PRIM2: variants seen among roughly 807,000 people sequenced by gnomAD.
The protein encoded by PRIM2 is DNA primase subunit 2.
A neutral mutation model predicts 67.3 loss-of-function variants in PRIM2; 39 were observed. The observed-to-expected ratio is 0.58, with a 90% CI of 0.45 to 0.76. The LOEUF is 0.76. PRIM2 is among the 30% of genes least tolerant of loss of function. The pLI, the probability that PRIM2 is intolerant of heterozygous loss-of-function variation, is 0.00. For missense variants in PRIM2, 398 were observed against 598.7 expected (o/e 0.66, Z 3.50); for synonymous variants, 143 against 198.7 (o/e 0.72, Z 2.36).
chr6:57,255,062 T>C, the PRIM2 span, among the ~76,000 whole-genome samples: 1 of 152,196 alleles, frequency 6.6e-6, no homozygotes, highest in Non-Finnish European at 1.5e-5. Context: ...ATTATTGGGC[T>C]GCGAGAATAG....
At chr6:57,574,977 A>T (rs1489668742) in intron 10 of PRIM2, among the ~76,000 whole-genome samples, 29 of 152,284 alleles carry the variant, frequency 1.9e-4, no homozygotes, top group African/African-American at 7.0e-4. Context: ...ACTTAACAAA[A>T]TAGACAAAAT....
chr6:57,642,687 C>A (rs1360912923), intron 13 of PRIM2, among the ~76,000 whole-genome samples: 2 of 151,942 alleles, frequency 1.3e-5, no homozygotes, highest in African/African-American at 4.8e-5. Context: ...GTGATCCGCC[C>A]GTCTCGGCCT....
chr6:57,356,795 T>C (rs1475236015), intron 5 of PRIM2, among the ~76,000 whole-genome samples: 1 of 152,184 alleles, frequency 6.6e-6, no homozygotes, highest in Non-Finnish European at 1.5e-5. Flanking sequence ...TAGAGTGCTG[T>C]TGATTTTATC....
chr6:57,375,054 T>C (rs1443901554), intron 5 of PRIM2, among the ~76,000 whole-genome samples: 2 of 151,696 alleles, frequency 1.3e-5, no homozygotes, highest in Non-Finnish European at 2.9e-5. Flanking sequence ...TGAATACTCT[T>C]TATTTTTTTC....
intron 7 of PRIM2, among the ~76,000 whole-genome samples, chr6:57,442,109 A>G (rs1772219565): frequency 6.6e-6 from 1 of 152,184 alleles, no homozygotes; most frequent in Non-Finnish European, 1.5e-5. Context: ...GTTTCATGTA[A>G]AAAACTAAAT....
At chr6:57,377,052 T>G (rs1249578130) in intron 5 of PRIM2, among the ~76,000 whole-genome samples, 2 of 151,408 alleles carry the variant, frequency 1.3e-5, no homozygotes, top group Non-Finnish European at 3.0e-5. Flanking sequence ...AATTTTTTTT[T>G]TTTTTTTTGG....
At chr6:57,476,033 T>A (rs1488639985) in intron 7 of PRIM2, among the ~76,000 whole-genome samples, 1 of 152,126 alleles carries the variant, frequency 6.6e-6, no homozygotes, top group Admixed American at 6.5e-5. Context: ...TGGTTTTGTT[T>A]GTGTTTTTTT....
In PRIM2 at chr6:57,502,442, G is replaced by A. The variant is rs1554346952; in HGVS notation, c.694-4945G>A. ...GAGGATGCGCAGTGAGGGTTTTCAT[G>A]TTCTCTGCTTCACTATCCGATGCCG... is the stretch of plus-strand genomic sequence containing the variant. On this transcript the variant is annotated intron_variant, in intron 7 of 13. Transcript: ENST00000615550. Among the ~76,000 whole-genome samples, 196 of 150,370 alleles carry A rather than the reference G, an allele frequency of 1.3e-3. 5 individuals carry two copies. The East Asian group carries it at 0.016, about 13-fold the overall frequency.
chr6:57,627,670 A>G (rs1179437532), intron 12 of PRIM2, among the ~76,000 whole-genome samples: 1 of 152,126 alleles, frequency 6.6e-6, no homozygotes, highest in Non-Finnish European at 1.5e-5. Context: ...TACAGGTGTG[A>G]GCCACCGTGC....
At chr6:57,411,143 C>G (rs1401764746) in intron 7 of PRIM2, among the ~76,000 whole-genome samples, 1 of 151,962 alleles carries the variant, frequency 6.6e-6, no homozygotes, top group Non-Finnish European at 1.5e-5. Flanking sequence ...AACTCTCTCT[C>G]TCTTGCTCCT....
the PRIM2 span, among the ~76,000 whole-genome samples, chr6:57,266,113 C>T: frequency 6.6e-6 from 1 of 152,134 alleles, no homozygotes; most frequent in African/African-American, 2.4e-5. Flanking sequence ...CTGCAATTTG[C>T]TTGGCTTTGT....
chr6:57,584,501 A>G (rs1343111713), intron 10 of PRIM2, among the ~76,000 whole-genome samples: 1 of 152,178 alleles, frequency 6.6e-6, no homozygotes, highest in Non-Finnish European at 1.5e-5. Flanking sequence ...GTCAATGAAA[A>G]TTTTAAAACT....
At position 57,443,204 on chromosome 6, in the gene PRIM2, T is replaced by C. The variant is rs1013127739; in HGVS notation, c.693+61036T>C. The stretch of plus-strand genomic sequence containing the variant: ...TTAGCTATTGTGAATAGTGCTTCAG[T>C]GGACATGGGAGTGCAGATACCTCCT... On this transcript the variant is annotated intron_variant, in intron 7 of 13. Coordinates refer to ENST00000615550, the MANE Select transcript of PRIM2 (RefSeq NM_000947.5). Among the ~76,000 whole-genome samples the C allele has an allele frequency of 1.7e-4, 26 of 152,222 alleles. 1 individual carries two copies. The highest frequency in any genetic ancestry group is 5.2e-4 in the Admixed American group (8 of 15,286).
At chr6:57,555,578 C>A (rs1331856157) in intron 10 of PRIM2, among the ~76,000 whole-genome samples, 1 of 152,206 alleles carries the variant, frequency 6.6e-6, no homozygotes, top group Admixed American at 6.5e-5. Flanking sequence ...CCGTGCCTGG[C>A]CTACCTTGTA....
At chr6:57,269,893 T>C in the PRIM2 span, among the ~76,000 whole-genome samples, 3 of 152,258 alleles carry the variant, frequency 2.0e-5, no homozygotes, top group African/African-American at 7.2e-5. Flanking sequence ...AGGGAATCCT[T>C]TCCCCATTGC....
intron 7 of PRIM2, among the ~76,000 whole-genome samples, chr6:57,448,998 TG>T (rs1227142714): frequency 1.6e-3 from 247 of 152,292 alleles, no homozygotes; most frequent in African/African-American, 5.7e-3. Context: ...TAGGTTTCTC[TG>T]GGGTCCTCTT....
chr6:57,267,597 A>G, the PRIM2 span, among the ~76,000 whole-genome samples: 1 of 151,880 alleles, frequency 6.6e-6, no homozygotes, highest in Non-Finnish European at 1.5e-5. Context: ...AGAAGCCAGG[A>G]AAATAAAAAG....
intron 7 of PRIM2, chr6:57,434,955 T>TG (rs1461729536): frequency 6.6e-6 from 1 of 151,510 alleles, no homozygotes; most frequent in East Asian, 1.9e-4. Flanking sequence ...TTGTATTTTT[T>TG]TTTTTGTTTT....
chr6:57,328,844 A>G (rs967255602), intron 5 of PRIM2, among the ~76,000 whole-genome samples: 2 of 152,222 alleles, frequency 1.3e-5, no homozygotes, highest in Admixed American at 1.3e-4. Flanking sequence ...TTAAAAAAAT[A>G]TAGCCATCAT....
Sources: allele counts gnomAD v4.1 joint callset (sites outside exome capture counted in the v4.1 genomes callset), GRCh38; gene constraint gnomAD v4.1.1; transcripts MANE v1.5; gene names NCBI Gene and HGNC (gene_info 2026-07-23, HGNC 2026-07-21).